Variants in SGSM3 observed in about 807,000 individuals in gnomAD.
SGSM3 encodes small G protein signaling modulator 3.
Under a neutral mutation model 100.5 loss-of-function variants are expected in SGSM3, and 96 were observed. The observed-to-expected ratio is 0.96, with a 90% CI of 0.81 to 1.13. SGSM3 has a LOEUF of 1.13. Among genes scored for constraint, SGSM3 ranks in the 50% most tolerant of loss-of-function variants. The pLI is 0.00. For missense variants in SGSM3, 1,001 were observed against 1,015.8 expected (o/e 0.99, Z 0.20); for synonymous variants, 483 against 422.8 (o/e 1.14, Z -1.75).
At chr22:40,394,418 C>A (rs916055463) in intron 1 of SGSM3, among the ~76,000 whole-genome samples, 2 of 152,050 alleles carry the variant, frequency 1.3e-5, no homozygotes, top group Admixed American at 1.3e-4. Context: ...GAGGCTGAGG[C>A]GGGTGGATCA....
chr22:40,394,972 G>A (rs2049861804), intron 1 of SGSM3, among the ~76,000 whole-genome samples: 1 of 152,056 alleles, frequency 6.6e-6, no homozygotes, highest in Admixed American at 6.6e-5. Flanking sequence ...ATAATAACTG[G>A]CATTTATTAA....
chr22:40,402,607 T>C (rs551224373), intron 4 of SGSM3, among the ~76,000 whole-genome samples: 1 of 152,268 alleles, frequency 6.6e-6, no homozygotes, highest in Non-Finnish European at 1.5e-5. Flanking sequence ...GGTGTGATGG[T>C]GTGCGACTGT....
chr22:40,376,236 G>C (rs1170997013), intron 1 of SGSM3: 1 of 131,938 alleles, frequency 7.6e-6, no homozygotes, highest in East Asian at 2.1e-4. Context: ...TACGGTAGTC[G>C]GAGCACCAAC....
chr22:40,398,042 ACTGCAACCT>A (rs2050270335), intron 1 of SGSM3, among the ~76,000 whole-genome samples: 1 of 135,842 alleles, frequency 7.4e-6, no homozygotes, highest in South Asian at 2.2e-4. Flanking sequence ...ATCTCAACTC[ACTGCAACCT>A]CTGCCTCCTG....
rs1390214587 is a variant in SGSM3, at chr22:40,407,747, GGGCACCCA to G, written c.1525-40_1525-33del. On this transcript the variant is annotated intron_variant, in intron 13 of 21. Transcript: ENST00000248929. The surrounding 1 kb of genome is among the most constrained non-coding windows in gnomAD (Gnocchi z 4.7). ...CGGGGGTGCAGGAGGCGCTGGCCCA[GGGCACCCA>G]GCTTTGGTTCCTGCTGTTTTTCCTC... The G allele has an allele frequency of 6.2e-7, 1 of 1,610,090 alleles. No individual in the cohort carries two copies. The highest frequency in any genetic ancestry group is 1.7e-5 in the Admixed American group (1 of 59,998).
At chr22:40,394,275 T>C (rs1020878014) in intron 1 of SGSM3, among the ~76,000 whole-genome samples, 1 of 152,216 alleles carries the variant, frequency 6.6e-6, no homozygotes, top group African/African-American at 2.4e-5. Context: ...AACTCTTGAT[T>C]TCTAACCCCA....
At chr22:40,374,597 A>C (rs2046230695) in intron 1 of SGSM3, among the ~76,000 whole-genome samples, 1 of 152,170 alleles carries the variant, frequency 6.6e-6, no homozygotes, top group Non-Finnish European at 1.5e-5. Context: ...TATCTGTTGA[A>C]TGGGGCCCAG....
chr22:40,401,774 C>A, intron 3 of SGSM3, 99 bp downstream of exon 3: 1 of 976,294 alleles, frequency 1.0e-6, no homozygotes, highest in Non-Finnish European at 1.6e-6. Flanking sequence ...GGCCAACTCA[C>A]ACAGGGTTAT....
intron 1 of SGSM3, among the ~76,000 whole-genome samples, chr22:40,394,643 CT>C (rs1361082676): frequency 8.9e-6 from 1 of 112,574 alleles, no homozygotes; most frequent in African/African-American, 3.3e-5. Context: ...AGACTCCTGT[CT>C]CAAAAAAAAA....
intron 1 of SGSM3, among the ~76,000 whole-genome samples, chr22:40,393,357 A>G (rs774964163): frequency 3.4e-4 from 51 of 152,236 alleles, no homozygotes; most frequent in Non-Finnish European, 6.9e-4. Flanking sequence ...ACCTCAGGTG[A>G]TCCGCCTGCC....
rs189280660 is a variant in SGSM3 at position 40,377,757 on chromosome 22, G to T, written c.-112+7069G>T. ...GCTACTTGGGAGGCTGAGGTGGGAAGATTACTTGAGCTTGGGAGGTCAAGG... is the reference window on the plus strand; with the variant it reads ...GCTACTTGGGAGGCTGAGGTGGGAATATTACTTGAGCTTGGGAGGTCAAGG... On this transcript the variant is annotated intron_variant, in intron 1 of 21. Coordinates refer to ENST00000248929, the MANE Select transcript of SGSM3 (RefSeq NM_015705.6). Among the ~76,000 whole-genome samples, 4 of 151,432 alleles carry T rather than the reference G, an allele frequency of 2.6e-5. No homozygotes were observed. The East Asian group carries it at 7.8e-4, about 30-fold the overall frequency.
intron 14 of SGSM3, 65 bp from the exon 15 acceptor site, chr22:40,408,006 C>A (rs2051874690): frequency 1.3e-6 from 2 of 1,550,628 alleles, no homozygotes; most frequent in South Asian, 1.2e-5. Flanking sequence ...AGCCTGCCTG[C>A]AGGCTGTGTC....
intron 1 of SGSM3, among the ~76,000 whole-genome samples, chr22:40,383,810 CAG>C (rs1294883238): frequency 6.6e-6 from 1 of 152,122 alleles, no homozygotes; most frequent in Non-Finnish European, 1.5e-5. Context: ...TCTGGAGACA[CAG>C]AAATCTTTAG....
rs1359501439 is a variant in SGSM3 at position 40,404,753 on chromosome 22, C to G, written c.474+89C>G. The stretch of plus-strand genomic sequence containing the variant: ...CCTGCCTGGGGTTCTTAGAGTGTGC[C>G]CTTGTTGTGGGGTAGGGGAGGATAT... On this transcript the variant is annotated intron_variant, in intron 6 of 21. Transcript: ENST00000248929. The G allele has an allele frequency of 3.2e-6, 3 of 925,118 alleles. No individual in the cohort carries two copies. The Admixed American group carries it at 6.1e-5, about 19-fold the overall frequency. 57.3% of individuals were successfully genotyped at this position (925,118 alleles called of 1,614,324 possible). A position where few individuals can be genotyped will look rare whatever the true frequency, so the allele number is the denominator to read the frequency against.
At chr22:40,387,380 G>T in intron 1 of SGSM3, 2 of 390,336 alleles carry the variant, frequency 5.1e-6, no homozygotes, top group Non-Finnish European at 9.0e-6. Context: ...TATATAGATG[G>T]TAATGGCAAA....
rs2051436530 is a variant in SGSM3, at chr22:40,405,957, T to C, written c.814+113T>C. 5 of 1,483,228 alleles carry C rather than the reference T, an allele frequency of 3.4e-6. No homozygotes were observed. The Admixed American group carries it at 5.7e-5, about 17-fold the overall frequency. 91.9% of individuals were successfully genotyped at this position (1,483,228 alleles called of 1,614,324 possible). A position where few individuals can be genotyped will look rare whatever the true frequency, so the allele number is the denominator to read the frequency against. Reference sequence around the variant, plus strand: ...ACCATGGTCTTTGTCGCTCTTTTGTTCTCTGGTGTTCCCTGCCCCCTCCCC... The same window carrying C: ...ACCATGGTCTTTGTCGCTCTTTTGTCCTCTGGTGTTCCCTGCCCCCTCCCC... On this transcript the variant is annotated intron_variant, in intron 8 of 21. Transcript: ENST00000248929.
chr22:40,405,235 C>A lies in SGSM3; in HGVS notation c.569C>A (p.Ala190Asp). The A allele has an allele frequency of 6.4e-7, 1 of 1,571,354 alleles. No homozygotes were observed. Among genetic ancestry groups the A allele is most frequent in the Non-Finnish European group, 8.6e-7 (1 of 1,158,348 alleles). Residue 190 changes from alanine to aspartate, a missense_variant, in exon 7 of 22, where the codon GCC becomes GAC. Transcript: ENST00000248929. Reference protein sequence around the residue: ...GVPRLRRVLRALAWLYPEIGY... With the variant: ...GVPRLRRVLRDLAWLYPEIGY... ...CCCCGCCTGCGCAGGGTGCTCCGGG[C>A]CCTGGCCTGGCTCTACCCAGAGATC...
At chr22:40,404,697 G>A (rs760371912) in intron 6 of SGSM3, 33 bp downstream of exon 6, 42 of 1,498,450 alleles carry the variant, frequency 2.8e-5, no homozygotes, top group Non-Finnish European at 3.2e-5. Context: ...GGAAGAGCTG[G>A]AGGCTGTGTG....
Position 40,400,684 on chromosome 22 carries a change from C to G in SGSM3, c.-111-12C>G. 1 of 949,264 alleles carries G rather than the reference C, an allele frequency of 1.1e-6. No individual in the cohort carries two copies. The highest frequency in any genetic ancestry group is 1.5e-5 in the South Asian group (1 of 66,130). 58.8% of individuals were successfully genotyped at this position (949,264 alleles called of 1,614,324 possible). ...AAAAATAGAATGACTTTCCTCTTTTCTCTTCTAACAGGGCAGATGATTCTG... is the reference window on the plus strand; with the variant it reads ...AAAAATAGAATGACTTTCCTCTTTTGTCTTCTAACAGGGCAGATGATTCTG... On this transcript the variant is annotated splice_polypyrimidine_tract_variant and intron_variant, in intron 1 of 21. Transcript: ENST00000248929.
Sources: allele counts gnomAD v4.1 joint callset (sites outside exome capture counted in the v4.1 genomes callset), GRCh38; gene constraint gnomAD v4.1.1; non-coding constraint Gnocchi (gnomAD v3.1); transcripts MANE v1.5; gene names NCBI Gene and HGNC (gene_info 2026-07-23, HGNC 2026-07-21).